LRP1B: variants seen among roughly 807,000 people sequenced by gnomAD.
LRP1B encodes LDL receptor related protein 1B.
Under a neutral mutation model 556.6 loss-of-function variants are expected in LRP1B, and 217 were observed. The ratio of observed to expected loss-of-function variants is 0.39; its 90% CI spans 0.35 to 0.44. LRP1B has a LOEUF of 0.44. LRP1B is among the 20% of genes least tolerant of loss of function. The pLI is 1.00. For missense variants in LRP1B, 5,053 were observed against 5,620.8 expected, an observed-to-expected ratio of 0.90 and a Z score of 3.23; for synonymous variants, 2,047 against 1,865.8, an observed-to-expected ratio of 1.10 and a Z score of -2.50.
At chr2:141,031,693 A>G (rs1698375912) in intron 11 of LRP1B, among the ~76,000 whole-genome samples, 1 of 151,974 alleles carries the variant, frequency 6.6e-6, no homozygotes, top group African/African-American at 2.4e-5. Flanking sequence ...CCCAAATAAG[A>G]CACCATTTTA....
chr2:140,379,098 T>G (rs1202772584), intron 67 of LRP1B, among the ~76,000 whole-genome samples: 1 of 152,174 alleles, frequency 6.6e-6, no homozygotes, highest in African/African-American at 2.4e-5. Flanking sequence ...GGATATCATC[T>G]CTTGTTTTGT....
rs1189809205 is a variant in LRP1B at position 141,260,176 on chromosome 2, AAC to A, written c.344-5537_344-5536del. Among the ~76,000 whole-genome samples the A allele has an allele frequency of 2.6e-5, 4 of 152,276 alleles. No individual in the cohort carries two copies. In the East Asian group the frequency reaches 7.7e-4, roughly 29 times the overall value. On this transcript the variant is annotated intron_variant, in intron 3 of 90. Coordinates refer to ENST00000389484, the MANE Select transcript of LRP1B (RefSeq NM_018557.3). ...AAGCAAAATCTCCAACAGATAGTGA[AAC>A]ACTAATCATAAGAAATAAGGATTTT...
intron 2 of LRP1B, among the ~76,000 whole-genome samples, chr2:141,684,452 C>G (rs1016907036): frequency 2.0e-5 from 3 of 150,846 alleles, no homozygotes; most frequent in African/African-American, 2.4e-5. Context: ...CAGGGCCTGC[C>G]GGGGGGTGGG....
chr2:141,128,277 A>G (rs2105018560), intron 7 of LRP1B, among the ~76,000 whole-genome samples: 1 of 152,356 alleles, frequency 6.6e-6, no homozygotes, highest in African/African-American at 2.4e-5. Context: ...CTAGTTGGAA[A>G]CCAAGTAACA....
At chr2:141,738,275 C>T (rs1693565177) in intron 2 of LRP1B, among the ~76,000 whole-genome samples, 1 of 152,128 alleles carries the variant, frequency 6.6e-6, no homozygotes, top group Admixed American at 6.6e-5. Flanking sequence ...TCTGTATCTC[C>T]TTCTCTCCCA....
intron 7 of LRP1B, among the ~76,000 whole-genome samples, chr2:141,074,639 C>CAT (rs10666349): frequency 0.87 from 126,599 of 145,772 alleles, 55,304 homozygotes; most frequent in Non-Finnish European, 0.91. Context: ...ACATATATTA[C>CAT]ATATATAATT....
intron 72 of LRP1B, among the ~76,000 whole-genome samples, chr2:140,361,365 T>C (rs867332261): frequency 2.3e-5 from 3 of 130,714 alleles, no homozygotes; most frequent in Admixed American, 7.8e-5. Context: ...TATATATATA[T>C]ATATATATAT....
chr2:141,738,146 A>G (rs1433075945), intron 2 of LRP1B, among the ~76,000 whole-genome samples: 3 of 152,174 alleles, frequency 2.0e-5, no homozygotes. Flanking sequence ...CACTCTGTAC[A>G]TATGAGAACA....
At chr2:140,553,887 G>A (rs1351610298) in intron 43 of LRP1B, among the ~76,000 whole-genome samples, 1 of 151,980 alleles carries the variant, frequency 6.6e-6, no homozygotes, top group Non-Finnish European at 1.5e-5. Flanking sequence ...GGATTTTAAA[G>A]AATGAATCCC....
At chr2:141,981,377 G>C (rs114801298) in intron 1 of LRP1B, among the ~76,000 whole-genome samples, 42 of 152,136 alleles carry the variant, frequency 2.8e-4, no homozygotes, top group African/African-American at 1.0e-3. Flanking sequence ...TAAGGCAAAA[G>C]ACACAGTAAT....
At chr2:141,597,318 G>A (rs1312068427) in intron 2 of LRP1B, among the ~76,000 whole-genome samples, 1 of 151,840 alleles carries the variant, frequency 6.6e-6, no homozygotes, top group African/African-American at 2.4e-5. Flanking sequence ...TCTGTCTCAA[G>A]TTTTTCTCTT....
At chr2:140,984,364 AT>A (rs1184510095) in intron 17 of LRP1B, among the ~76,000 whole-genome samples, 1 of 149,730 alleles carries the variant, frequency 6.7e-6, no homozygotes, top group East Asian at 2.0e-4. Context: ...TAACTATTTC[AT>A]TCCTTCAGTC....
chr2:140,492,351 G>A (rs1688736851), intron 57 of LRP1B, among the ~76,000 whole-genome samples: 1 of 152,124 alleles, frequency 6.6e-6, no homozygotes, highest in South Asian at 2.1e-4. Context: ...AAACATACTA[G>A]AAAAATGAGA....
chr2:140,512,411 T>A (rs1409870431), intron 51 of LRP1B, among the ~76,000 whole-genome samples: 1 of 152,168 alleles, frequency 6.6e-6, no homozygotes. Flanking sequence ...ATATACTGCC[T>A]TTCTCAGGGA....
chr2:140,462,540 G>C (rs527274998), intron 60 of LRP1B, among the ~76,000 whole-genome samples: 10 of 152,272 alleles, frequency 6.6e-5, no homozygotes, highest in African/African-American at 2.4e-4. Context: ...ATAGTTGAGC[G>C]TAGATGGAAA....
At chr2:141,369,585 A>G (rs1689155430) in intron 3 of LRP1B, among the ~76,000 whole-genome samples, 6 of 152,170 alleles carry the variant, frequency 3.9e-5, no homozygotes, top group Admixed American at 3.9e-4. Context: ...TTCCATTACC[A>G]TTATTATCAT....
intron 35 of LRP1B, among the ~76,000 whole-genome samples, chr2:140,726,496 T>C (rs1687599211): frequency 6.6e-6 from 1 of 152,178 alleles, no homozygotes; most frequent in East Asian, 1.9e-4. Flanking sequence ...ATAAGCTGGC[T>C]ACATTCCTGT....
chr2:140,909,982 G>A (rs1694368665), intron 21 of LRP1B, among the ~76,000 whole-genome samples: 1 of 150,686 alleles, frequency 6.6e-6, no homozygotes, highest in Non-Finnish European at 1.5e-5. Context: ...TCTTGGATTA[G>A]TACAGATAAT....
chr2:141,845,669 C>A (rs1011448018), intron 1 of LRP1B, among the ~76,000 whole-genome samples: 3 of 151,686 alleles, frequency 2.0e-5, no homozygotes, highest in Non-Finnish European at 2.9e-5. Context: ...CTAGCCAAAG[C>A]TGAGACATTA....
Sources: gnomAD v4.1 joint callset for allele counts (sites outside exome capture counted in the v4.1 genomes callset) on GRCh38, gnomAD v4.1.1 for gene constraint, MANE v1.5 for transcripts, NCBI Gene and HGNC (gene_info 2026-07-23, HGNC 2026-07-21) for gene names.